The following NCKIPSD variants were observed in gnomAD, a reference collection of about 807,000 sequenced individuals.
NCKIPSD encodes the protein NCK-interacting protein with SH3 domain.
Under a neutral mutation model 73.4 loss-of-function variants are expected in NCKIPSD, and 48 were observed. The observed-to-expected ratio is 0.65, with a 90% CI of 0.52 to 0.83. The LOEUF (loss-of-function observed/expected upper bound fraction) is 0.83, where lower values mean the gene tolerates loss of function less well. NCKIPSD is among the 40% of genes least tolerant of loss of function. The pLI is 0.00. For missense variants in NCKIPSD, 884 were observed against 970.2 expected (o/e 0.91, Z 1.18); for synonymous variants, 422 against 403.6 (o/e 1.05, Z -0.54).
Position 48,685,875 on chromosome 3 carries a change from GCCGAGCCGCGCCGCGGTTGTCCCGCC to G in NCKIPSD, c.-94_-69del, listed in dbSNP as rs1319822580. 4 of 1,309,566 alleles carry G rather than the reference GCCGAGCCGCGCCGCGGTTGTCCCGCC, an allele frequency of 3.1e-6. No homozygotes were observed. The highest frequency in any genetic ancestry group is 3.9e-6 in the Non-Finnish European group (4 of 1,024,542). The allele number at this position is 1,309,566 out of a possible 1,614,324, so 81.1% of individuals were successfully genotyped here. A position where few individuals can be genotyped will look rare whatever the true frequency, so the allele number is the denominator to read the frequency against. On this transcript the variant is annotated 5_prime_UTR_variant, in exon 1 of 13. Coordinates refer to ENST00000294129, the MANE Select transcript of NCKIPSD (RefSeq NM_016453.4). Reference sequence around the variant, plus strand: ...GGCGCCACAACGCCAGGCCGGGAGCGCCGAGCCGCGCCGCGGTTGTCCCGCCCCGTGACACACTACGCAGGCGCGCG... The same window carrying G: ...GGCGCCACAACGCCAGGCCGGGAGCGCCGTGACACACTACGCAGGCGCGCG...
Position 48,679,689 on chromosome 3 carries a change from G to T in NCKIPSD, c.1375C>A (p.Leu459Met). The change falls in exon 8 of 13, where the codon CTG (leucine) becomes ATG (methionine). Residue 459 changes from leucine (L) to methionine (M), a missense_variant. Transcript: ENST00000294129. Reference sequence around the variant, plus strand: ...ATGGCGCCAAAGCACTTGAGGAGCAGCAGCCGCAGTGATGCTCGGTGTTCC... The same window carrying T: ...ATGGCGCCAAAGCACTTGAGGAGCATCAGCCGCAGTGATGCTCGGTGTTCC... ...QMEHRASLRL[L>M]LLKCFGAMCS... 6.2e-7 allele frequency: 1 copy of T among 1,614,226 alleles called. No homozygotes were observed. Among genetic ancestry groups the T allele is most frequent in the Non-Finnish European group, 8.5e-7 (1 of 1,180,040 alleles).
At chr3:48,685,086 G>A (rs968017208) in intron 1 of NCKIPSD, among the ~76,000 whole-genome samples, 22 of 151,012 alleles carry the variant, frequency 1.5e-4, no homozygotes, top group South Asian at 2.1e-4. Flanking sequence ...AAGTTGGGGG[G>A]TTGAGGACCT....
At position 48,679,308 on chromosome 3, in the gene NCKIPSD, TC is replaced by T. The variant is rs534562390; in HGVS notation, c.1570+68del. ...CCTGCTAGGCTGTGTAGTCAGCAGG[TC>T]CCAGGCCCTCGGGCAATGGGCCCTG... On this transcript the variant is annotated intron_variant, in intron 9 of 12. Coordinates refer to ENST00000294129, the MANE Select transcript of NCKIPSD (RefSeq NM_016453.4). 11,280 of 1,611,436 alleles carry T rather than the reference TC, an allele frequency of 7.0e-3. 40 individuals carry two copies. The highest frequency in any genetic ancestry group is 7.7e-3 in the Non-Finnish European group (9,098 of 1,178,438).
Position 48,685,519 on chromosome 3 carries a change from T to C in NCKIPSD, c.171+118A>G, listed in dbSNP as rs148414137. ...GGGTCAGGTTCTCAAACTCCCTGTC[T>C]GATAGAGGTCCTGGCCTCGGGTCCC... On this transcript the variant is annotated intron_variant, in intron 1 of 12. Coordinates refer to ENST00000294129, the MANE Select transcript of NCKIPSD (RefSeq NM_016453.4). 469 of 1,283,224 alleles carry C rather than the reference T, an allele frequency of 3.7e-4. 1 individual carries two copies. In the African/African-American group the frequency reaches 6.8e-3, roughly 19 times the overall value. The allele number at this position is 1,283,224 out of a possible 1,614,324, so 79.5% of individuals were successfully genotyped here. A position where few individuals can be genotyped will look rare whatever the true frequency, so the allele number is the denominator to read the frequency against.
chr3:48,676,959 G>T (rs966130680), intron 12 of NCKIPSD, among the ~76,000 whole-genome samples: 13 of 149,126 alleles, frequency 8.7e-5, no homozygotes, highest in Non-Finnish European at 1.9e-4. Context: ...TTCGTATTTT[G>T]TATTTTTAGT....
intron 12 of NCKIPSD, 115 bp from the exon 13 acceptor site, chr3:48,674,862 G>A: frequency 9.6e-7 from 1 of 1,041,586 alleles, no homozygotes; most frequent in Non-Finnish European, 1.4e-6. Flanking sequence ...GAACATCAGG[G>A]CTGCATCCCC....
chr3:48,685,298 T>C (rs1048026154), intron 1 of NCKIPSD, among the ~76,000 whole-genome samples: 3 of 151,264 alleles, frequency 2.0e-5, no homozygotes, highest in Non-Finnish European at 4.4e-5. Context: ...GGGATTTGAA[T>C]AATTGGCCAG....
chr3:48,680,316 T>A, intron 5 of NCKIPSD, 87 bp from the exon 6 acceptor site: 1 of 1,413,470 alleles, frequency 7.1e-7, no homozygotes, highest in Non-Finnish European at 9.4e-7. Context: ...AGTCCATCTG[T>A]GGACTTTTAC....
chr3:48,675,105 A>G (rs2077231442), intron 12 of NCKIPSD, among the ~76,000 whole-genome samples: 1 of 152,024 alleles, frequency 6.6e-6, no homozygotes, highest in African/African-American at 2.4e-5. Context: ...ACAGCTTCAA[A>G]TAGTGAACCA....
rs1207595793 is a variant in NCKIPSD, at chr3:48,681,425, C to T, written c.954G>A (p.Glu318=). The change falls in exon 5 of 13, where the codon GAG becomes GAA. Residue 318 remains glutamate, a synonymous_variant. Coordinates refer to ENST00000294129, the MANE Select transcript of NCKIPSD (RefSeq NM_016453.4). ...TCAGGCCAGTGTTTCTCCGCACCAG[C>T]TCCATCAGCTCGGCCCCAATGGTCC... ...VPRTIGAELM[E]LVRRNTGLSH... is the part of the protein sequence containing the mutation. 4 of 1,613,836 alleles carry T rather than the reference C, an allele frequency of 2.5e-6. No individual in the cohort carries two copies. Among genetic ancestry groups the T allele is most frequent in the Non-Finnish European group, 3.4e-6 (4 of 1,179,952 alleles).
chr3:48,683,782 C>T (rs910611984), intron 1 of NCKIPSD, among the ~76,000 whole-genome samples: 1 of 152,098 alleles, frequency 6.6e-6, no homozygotes, highest in South Asian at 2.1e-4. Context: ...ACCCCCAGCC[C>T]TCCCCTGGCC....
chr3:48,678,567 G>T lies in NCKIPSD; in HGVS notation c.1962C>A (p.Asp654Glu). ...VRHIADLSPG[D>E]KLRMEYLSLM... ...TGCTGCAGCCACCTCCAGGCACCTT[G>T]TCTCCTGGTGACAGGTCTGCGATGT... Residue 654 changes from aspartate to glutamate, a missense_variant, in exon 12 of 13, where the codon GAC (aspartate) becomes GAA (glutamate). Transcript: ENST00000294129. The T allele has an allele frequency of 6.2e-7, 1 of 1,608,092 alleles. No individual in the cohort carries two copies. The highest frequency in any genetic ancestry group is 2.2e-5 in the East Asian group (1 of 44,800).
chr3:48,674,722 A>G lies in NCKIPSD; in HGVS notation c.1991T>C (p.Met664Thr). 6.2e-7 allele frequency: 1 copy of G among 1,613,984 alleles called. No homozygotes were observed. Among genetic ancestry groups the G allele is most frequent in the Non-Finnish European group, 8.5e-7 (1 of 1,179,964 alleles). The stretch of plus-strand genomic sequence containing the variant: ...GGGTGTGGTGCGGACTATAGCATGC[A>G]TCAGGGAGAGGTACTCCATGCGCAG... ...DKLRMEYLSLMHAIVRTTPYL... is the reference protein window; with the variant it reads ...DKLRMEYLSLTHAIVRTTPYL... The change falls in exon 13 of 13, where the codon ATG (methionine) becomes ACG (threonine). Residue 664 changes from methionine to threonine, a missense_variant. By Grantham distance (81) the Met-to-Thr change is moderately conservative. Transcript: ENST00000294129.
rs755358234 is a variant in NCKIPSD at position 48,674,744 on chromosome 3, G to A, written c.1969C>T (p.Arg657Cys). Residue 657 changes from arginine to cysteine, a missense_variant, in exon 13 of 13, where the codon CGC becomes TGC. Coordinates refer to ENST00000294129, the MANE Select transcript of NCKIPSD (RefSeq NM_016453.4). Reference sequence around the variant, plus strand: ...TGCATCAGGGAGAGGTACTCCATGCGCAGCTGTGGGAAGAGCAGGCCAGCT... The same window carrying A: ...TGCATCAGGGAGAGGTACTCCATGCACAGCTGTGGGAAGAGCAGGCCAGCT... Reference protein sequence around the residue: ...IADLSPGDKLRMEYLSLMHAI... With the variant: ...IADLSPGDKLCMEYLSLMHAI... The A allele has an allele frequency of 8.1e-6, 13 of 1,613,622 alleles. No individual in the cohort carries two copies. Among genetic ancestry groups the A allele is most frequent in the African/African-American group, 1.3e-5 (1 of 74,856 alleles).
Position 48,682,932 on chromosome 3 carries a change from C to T in NCKIPSD, c.252G>A (p.Lys84=), listed in dbSNP as rs760862655. The T allele has an allele frequency of 1.3e-6, 2 of 1,552,962 alleles. No homozygotes were observed. Among genetic ancestry groups the T allele is most frequent in the Middle Eastern group, 2.2e-4 (1 of 4,630 alleles). Residue 84 remains lysine (K), a synonymous_variant, in exon 2 of 13, where the codon AAG becomes AAA. Transcript: ENST00000294129. ...GGACTCCACGCTGTTCCAGGCTGTA[C>T]TTGCCACCATCCCGCATGGCTGTGT... ...VHNTAMRDGG[K]YSLEQRGVLQ...
chr3:48,682,678 C>A, intron 2 of NCKIPSD, 126 bp from the exon 3 acceptor site: 1 of 1,210,464 alleles, frequency 8.3e-7, no homozygotes, highest in South Asian at 1.4e-5. Context: ...CTCCATGCTC[C>A]ACCCCAGCCT....
intron 1 of NCKIPSD, among the ~76,000 whole-genome samples, chr3:48,683,272 T>C (rs1559496356): frequency 6.6e-6 from 1 of 152,194 alleles, no homozygotes; most frequent in Non-Finnish European, 1.5e-5. Flanking sequence ...AGCAAGGCTC[T>C]TGGCTAAGAT....
intron 12 of NCKIPSD, among the ~76,000 whole-genome samples, chr3:48,677,864 C>T (rs2077278593): frequency 1.3e-5 from 2 of 152,176 alleles, no homozygotes; most frequent in African/African-American, 4.8e-5. Flanking sequence ...GGCTTCCCAT[C>T]GTATCTCTGC....
rs372580180 is a variant in NCKIPSD, at chr3:48,678,866, C to G, written c.1792+11G>C. 5 of 1,613,714 alleles carry G rather than the reference C, an allele frequency of 3.1e-6. No homozygotes were observed. In the African/African-American group the frequency reaches 6.7e-5, roughly 22 times the overall value. The stretch of plus-strand genomic sequence containing the variant: ...TGGAAGTGGTACCCGCGCAGATTCC[C>G]GGGCCCTCACCCCCTCTGTTCAGGA... On this transcript the variant is annotated intron_variant, in intron 11 of 12. Coordinates refer to ENST00000294129, the MANE Select transcript of NCKIPSD (RefSeq NM_016453.4).
Sources: allele counts gnomAD v4.1 joint callset (sites outside exome capture counted in the v4.1 genomes callset), GRCh38; gene constraint gnomAD v4.1.1; transcripts MANE v1.5; gene names NCBI Gene and HGNC (gene_info 2026-07-23, HGNC 2026-07-21).